The following EVC2 variants were observed in gnomAD, a reference collection of about 807,000 sequenced individuals.
EVC2 encodes EvC ciliary complex subunit 2.
In EVC2, 148 loss-of-function variants were observed where a neutral mutation model predicts 149.3. The observed-to-expected ratio is 0.99, with a 90% CI of 0.87 to 1.14. EVC2 has a LOEUF of 1.14. Ranked by LOEUF, EVC2 falls within the 50% of genes most tolerant of loss-of-function variation. The pLI is 0.00. For missense variants in EVC2, 1,854 were observed against 1,627.3 expected (o/e 1.14, Z -2.40); for synonymous variants, 776 against 649.9 (o/e 1.19, Z -2.95).
chr4:5,686,221 A>T lies in EVC2; in HGVS notation c.707-742T>A, dbSNP rs1720702164. Among the ~76,000 whole-genome samples, 5 of 151,788 alleles carry T rather than the reference A, an allele frequency of 3.3e-5. No homozygotes were observed. Among genetic ancestry groups the T allele is most frequent in the Admixed American group, 2.6e-4 (4 of 15,230 alleles). On this transcript the variant is annotated intron_variant, in intron 5 of 21. Transcript: ENST00000344408. The surrounding 1 kb of genome is among the most constrained non-coding windows in gnomAD (Gnocchi z 5.4). The stretch of plus-strand genomic sequence containing the variant: ...CTCAACATTTTCATTTTTATTTAAA[A>T]TTTTTTATTTATTTATTTCTGAGAC...
At chr4:5,693,898 G>A (rs1721287063) in intron 3 of EVC2, among the ~76,000 whole-genome samples, 1 of 152,162 alleles carries the variant, frequency 6.6e-6, no homozygotes, top group Non-Finnish European at 1.5e-5. Context: ...TGTAAAATGA[G>A]AATAAAAATA....
In EVC2 at chr4:5,584,710, G is replaced by T; in HGVS notation, c.2970C>A (p.Ser990Arg). ...GCTCTTCCAGGAGCAAGTCCTGGAT[G>T]CTGAGGAGGGCGGTGTAGGCCGACA... ...ETLSAYTALLSIQDLLLEELS... is the reference protein window; with the variant it reads ...ETLSAYTALLRIQDLLLEELS... The change falls in exon 17 of 22, where the codon AGC becomes AGA. Residue 990 changes from serine to arginine, a missense_variant. Ser to Arg is a moderately radical substitution (Grantham distance 110). Transcript: ENST00000344408. 1 of 1,614,170 alleles carries T rather than the reference G, an allele frequency of 6.2e-7. No homozygotes were observed. Among genetic ancestry groups the T allele is most frequent in the Middle Eastern group, 1.6e-4 (1 of 6,062 alleles).
rs1203551898 is a variant in EVC2, at chr4:5,555,333, G to T, written c.3419+9925C>A. Among the ~76,000 whole-genome samples, 5 of 152,058 alleles carry T rather than the reference G, an allele frequency of 3.3e-5. No individual in the cohort carries two copies. The East Asian group carries it at 9.6e-4, about 29-fold the overall frequency. On this transcript the variant is annotated intron_variant and NMD_transcript_variant, in intron 21 of 22. Transcript: ENST00000475313. ...ACTAATAAGCACTTAAAATGTGAAT[G>T]GACTAAAAACATCTATTAGAGATTG...
chr4:5,570,968 A>G (rs1038384142), intron 19 of EVC2, among the ~76,000 whole-genome samples: 1 of 152,086 alleles, frequency 6.6e-6, no homozygotes, highest in African/African-American at 2.4e-5. Flanking sequence ...CATAAGAATG[A>G]TAAAATGGAC....
downstream of EVC2, among the ~76,000 whole-genome samples, chr4:5,538,905 C>A (rs547945755): frequency 6.6e-6 from 1 of 152,032 alleles, no homozygotes; most frequent in Non-Finnish European, 1.5e-5. Context: ...GGGTTATATC[C>A]GCTCTCACCA....
At chr4:5,656,952 C>T (rs1718560130) in intron 9 of EVC2, among the ~76,000 whole-genome samples, 1 of 152,186 alleles carries the variant, frequency 6.6e-6, no homozygotes, top group Non-Finnish European at 1.5e-5. Flanking sequence ...GCACTGCATC[C>T]CATTGTATAG....
intron 7 of EVC2, among the ~76,000 whole-genome samples, chr4:5,665,906 G>T (rs78601416): frequency 6.6e-6 from 1 of 152,044 alleles, no homozygotes; most frequent in Non-Finnish European, 1.5e-5. Flanking sequence ...CCATCCAGCC[G>T]CACGCCTAGC....
At chr4:5,571,844 C>A (rs573616331) in intron 19 of EVC2, among the ~76,000 whole-genome samples, 34 of 152,106 alleles carry the variant, frequency 2.2e-4, no homozygotes, top group Non-Finnish European at 3.8e-4. Flanking sequence ...TGAGGGAAGT[C>A]GATGGCCTGT....
At chr4:5,610,794 C>CTTTTT (rs10690279) in intron 16 of EVC2, among the ~76,000 whole-genome samples, 54 of 126,470 alleles carry the variant, frequency 4.3e-4, no homozygotes, top group Admixed American at 9.9e-4. Flanking sequence ...TTTTCCTTTT[C>CTTTTT]TTTTTTTTTT....
chr4:5,535,254 T>A, the EVC2 span, among the ~76,000 whole-genome samples: 1 of 152,172 alleles, frequency 6.6e-6, no homozygotes, highest in East Asian at 1.9e-4. The surrounding 1 kb of genome is among the most constrained non-coding windows in gnomAD (Gnocchi z 4.7). Flanking sequence ...TCAGCCCTGC[T>A]GCCCTCTCTG....
chr4:5,626,516 AG>A (rs1716129436), intron 12 of EVC2, among the ~76,000 whole-genome samples: 2 of 151,822 alleles, frequency 1.3e-5, no homozygotes, highest in Admixed American at 6.6e-5. Flanking sequence ...TTGTATTTTT[AG>A]TAGAGACGGG....
At chr4:5,589,467 T>G (rs2108794732) in intron 16 of EVC2, among the ~76,000 whole-genome samples, 1 of 151,996 alleles carries the variant, frequency 6.6e-6, no homozygotes, top group East Asian at 1.9e-4. Flanking sequence ...ACCTCTGGAG[T>G]TTTCTCTGTG....
At position 5,625,684 on chromosome 4, in the gene EVC2, C is replaced by A. The variant is rs575548821; in HGVS notation, c.2046+65G>T. 6 of 1,601,528 alleles carry A rather than the reference C, an allele frequency of 3.7e-6. No homozygotes were observed. The African/African-American group carries it at 6.7e-5, about 18-fold the overall frequency. On this transcript the variant is annotated intron_variant, in intron 13 of 21. Coordinates refer to ENST00000344408, the MANE Select transcript of EVC2 (RefSeq NM_147127.5). This position sits in a 1 kb window ranked among gnomAD's most constrained non-coding sequence, Gnocchi z 4.0. ...ACCAATGGCAATGTCTGGCACAGTA[C>A]CTGGCACTTGATGGGTATCAGAAAG...
chr4:5,606,537 T>C (rs182825736), intron 16 of EVC2, among the ~76,000 whole-genome samples: 2 of 152,268 alleles, frequency 1.3e-5, no homozygotes, highest in East Asian at 3.9e-4. Flanking sequence ...CAACTACTTG[T>C]CAGAGCTCTA....
At chr4:5,704,862 C>T (rs1246030476) in intron 1 of EVC2, among the ~76,000 whole-genome samples, 1 of 142,032 alleles carries the variant, frequency 7.0e-6, no homozygotes, top group Non-Finnish European at 1.6e-5. Context: ...TGTGCTATCA[C>T]ACACAGCTAT....
chr4:5,543,263 C>A, intron 21 of EVC2: 2 of 1,212,392 alleles, frequency 1.6e-6, no homozygotes, highest in Admixed American at 2.3e-5. Flanking sequence ...CATCCCTACC[C>A]ACATTGTACC....
At chr4:5,606,367 T>C (rs1206426764) in intron 16 of EVC2, among the ~76,000 whole-genome samples, 1 of 152,150 alleles carries the variant, frequency 6.6e-6, no homozygotes, top group Non-Finnish European at 1.5e-5. Flanking sequence ...GCAATGAAAT[T>C]AGAAATCAAT....
At position 5,665,622 on chromosome 4, in the gene EVC2, C is replaced by A. The variant is rs889273419; in HGVS notation, c.898G>T (p.Ala300Ser). Residue 300 changes from alanine to serine, a missense_variant, in exon 8 of 22, where the codon GCA becomes TCA. Transcript: ENST00000344408. Reference protein sequence around the residue: ...TVLPHHGLHAAGFFIAFLLSL... With the variant: ...TVLPHHGLHASGFFIAFLLSL... ...AGGAGGAAGGCAATGAAGAACCCTG[C>A]TGCGTGGAGGCCGTGGTGCGGCAGA... 1 of 1,614,100 alleles carries A rather than the reference C, an allele frequency of 6.2e-7. No homozygotes were observed. Among genetic ancestry groups the A allele is most frequent in the African/African-American group, 1.3e-5 (1 of 74,936 alleles).
chr4:5,650,664 GA>G (rs1235217700), intron 9 of EVC2, among the ~76,000 whole-genome samples: 14 of 143,152 alleles, frequency 9.8e-5, no homozygotes, highest in African/African-American at 3.0e-4. Context: ...GAGAGAGAGA[GA>G]GAGAGAGCCA....
Sources: gnomAD v4.1 joint callset for allele counts (sites outside exome capture counted in the v4.1 genomes callset) on GRCh38, gnomAD v4.1.1 for gene constraint, Gnocchi (gnomAD v3.1) non-coding constraint, MANE v1.5 for transcripts, NCBI Gene and HGNC (gene_info 2026-07-23, HGNC 2026-07-21) for gene names.